PAX3: variants seen among roughly 807,000 people sequenced by gnomAD.
PAX3 encodes paired box protein Pax-3.
A neutral mutation model predicts 51.6 loss-of-function variants in PAX3; 14 were observed. That is an observed-to-expected ratio of 0.27 (90% CI 0.18 to 0.42). PAX3 has a LOEUF of 0.42. PAX3 is among the 10% of genes least tolerant of loss of function. The probability of loss-of-function intolerance (pLI) is 1.00; values close to 1 mark genes in which losing one functional copy is unlikely to be tolerated. For synonymous variants in PAX3, 280 were observed against 253.4 expected, an observed-to-expected ratio of 1.11 and a Z score of -1.00; for missense variants, 540 against 642.8, an observed-to-expected ratio of 0.84 and a Z score of 1.73.
chr2:222,295,409 G>C (rs1417608981), intron 3 of PAX3, 119 bp downstream of exon 3: 4 of 1,231,764 alleles, frequency 3.2e-6, no homozygotes, highest in Non-Finnish European at 4.8e-6. Flanking sequence ...GCAGGGCCTC[G>C]GGAGAGGCCA....
At chr2:222,225,857 T>C (rs1692362660) in intron 5 of PAX3, among the ~76,000 whole-genome samples, 1 of 152,244 alleles carries the variant, frequency 6.6e-6, no homozygotes, top group South Asian at 2.1e-4. Flanking sequence ...TCTGTTTTGC[T>C]TCCTTCACTC....
At chr2:222,213,598 G>C (rs1312878056) in intron 7 of PAX3, among the ~76,000 whole-genome samples, 1 of 152,050 alleles carries the variant, frequency 6.6e-6, no homozygotes, top group African/African-American at 2.4e-5. Context: ...TGCCACTTTT[G>C]TAAAAAATCT....
intron 5 of PAX3, 150 bp from the exon 6 acceptor site, chr2:222,221,537 T>C: frequency 1.4e-6 from 1 of 740,294 alleles, no homozygotes; most frequent in Non-Finnish European, 2.3e-6. Context: ...TTTGGGCGAA[T>C]TGTCAGGAGT....
In PAX3 at chr2:222,297,202, G is replaced by A; in HGVS notation, c.97C>T (p.Leu33Phe). Reference protein sequence around the residue: ...SGFPLEVSTPLGQGRVNQLGG... With the variant: ...SGFPLEVSTPFGQGRVNQLGG... ...AGCTGGTTGACGCGGCCCTGGCCGA[G>A]GGGAGTGGACACTGTGGGAAGGTGA... Residue 33 changes from leucine to phenylalanine, a missense_variant, in exon 2 of 9, where the codon CTC becomes TTC. This residue lies in a region of PAX3 where 63 missense variants were observed against 49.9 expected (regional missense o/e 1.26). Transcript: ENST00000392070. 1 of 1,580,764 alleles carries A rather than the reference G, an allele frequency of 6.3e-7. No homozygotes were observed. The highest frequency in any genetic ancestry group is 8.6e-7 in the Non-Finnish European group (1 of 1,163,100).
chr2:222,289,250 C>G (rs1341613912), intron 4 of PAX3, among the ~76,000 whole-genome samples: 1 of 152,184 alleles, frequency 6.6e-6, no homozygotes, highest in African/African-American at 2.4e-5. Flanking sequence ...CATTTCTCAC[C>G]GTTTGTTTGT....
intron 5 of PAX3, among the ~76,000 whole-genome samples, chr2:222,229,095 T>C (rs960973146): frequency 6.6e-6 from 1 of 151,928 alleles, no homozygotes; most frequent in African/African-American, 2.4e-5. Flanking sequence ...AGAACTATAA[T>C]AAAAGCAAAG....
At chr2:222,253,950 C>A (rs1693538411) in intron 4 of PAX3, among the ~76,000 whole-genome samples, 1 of 152,202 alleles carries the variant, frequency 6.6e-6, no homozygotes, top group Admixed American at 6.5e-5. Flanking sequence ...GCCACCACAC[C>A]TGGCCTTTTT....
At chr2:222,247,243 T>C (rs1693261301) in intron 4 of PAX3, among the ~76,000 whole-genome samples, 1 of 152,084 alleles carries the variant, frequency 6.6e-6, no homozygotes, top group African/African-American at 2.4e-5. Flanking sequence ...TAGAGCAGGA[T>C]GAGAGTGTGA....
intron 4 of PAX3, among the ~76,000 whole-genome samples, chr2:222,236,494 T>A (rs1414528158): frequency 6.6e-6 from 1 of 152,210 alleles, no homozygotes; most frequent in East Asian, 1.9e-4. Context: ...ATACTCAGTT[T>A]TACTTAAGCT....
chr2:222,267,830 T>C (rs1353200253), intron 4 of PAX3, among the ~76,000 whole-genome samples: 1 of 152,224 alleles, frequency 6.6e-6, no homozygotes, highest in African/African-American at 2.4e-5. Context: ...GCTAATATGT[T>C]TTTTAAAAAT....
intron 7 of PAX3, among the ~76,000 whole-genome samples, chr2:222,210,787 C>T (rs894239261): frequency 2.6e-5 from 4 of 152,102 alleles, no homozygotes; most frequent in African/African-American, 4.8e-5. Context: ...ACCAACATAC[C>T]GCCTTTCCTT....
chr2:222,243,398 T>C (rs773571055), intron 4 of PAX3, among the ~76,000 whole-genome samples: 7 of 152,238 alleles, frequency 4.6e-5, no homozygotes, highest in Non-Finnish European at 1.0e-4. Context: ...ATTAAATGCC[T>C]GAGATGTGGC....
At chr2:222,228,186 AG>A (rs1574656541) in intron 5 of PAX3, among the ~76,000 whole-genome samples, 1 of 152,244 alleles carries the variant, frequency 6.6e-6, no homozygotes, top group East Asian at 1.9e-4. Flanking sequence ...TGGGTGTTCT[AG>A]GGAATTTGTT....
chr2:222,220,065 A>T, intron 7 of PAX3, 75 bp downstream of exon 7: 1 of 1,301,386 alleles, frequency 7.7e-7, no homozygotes, highest in Non-Finnish European at 1.1e-6. Flanking sequence ...GCAATTCATT[A>T]CACTACTGCC....
chr2:222,267,384 C>T (rs1405953182), intron 4 of PAX3, among the ~76,000 whole-genome samples: 1 of 152,166 alleles, frequency 6.6e-6, no homozygotes, highest in East Asian at 1.9e-4. Context: ...TGGACACTTC[C>T]TAATCTTTCC....
At chr2:222,288,282 G>A (rs1694907278) in intron 4 of PAX3, among the ~76,000 whole-genome samples, 1 of 152,142 alleles carries the variant, frequency 6.6e-6, no homozygotes, top group Non-Finnish European at 1.5e-5. Flanking sequence ...CAATCCATAG[G>A]ACAAACATAT....
intron 4 of PAX3, among the ~76,000 whole-genome samples, chr2:222,254,842 G>A (rs1215523977): frequency 1.3e-5 from 2 of 152,036 alleles, no homozygotes; most frequent in Non-Finnish European, 2.9e-5. Context: ...GAGTGCAGTG[G>A]CATGATCTCA....
At chr2:222,279,330 T>TGC (rs372245266) in intron 4 of PAX3, among the ~76,000 whole-genome samples, 16 of 149,774 alleles carry the variant, frequency 1.1e-4, no homozygotes, top group Admixed American at 9.3e-4. Flanking sequence ...TGTGTGTGTG[T>TGC]GGTGTAGTAG....
At chr2:222,244,142 T>C (rs953718437) in intron 4 of PAX3, among the ~76,000 whole-genome samples, 2 of 152,184 alleles carry the variant, frequency 1.3e-5, no homozygotes, top group African/African-American at 4.8e-5. Context: ...AATGACTAAA[T>C]AGATGATGTA....
Sources: allele counts gnomAD v4.1 joint callset (sites outside exome capture counted in the v4.1 genomes callset), GRCh38; gene constraint gnomAD v4.1.1; regional missense constraint gnomAD v4.1.1; transcripts MANE v1.5; gene names NCBI Gene and HGNC (gene_info 2026-07-23, HGNC 2026-07-21).